RAP1GAP2: variants seen among roughly 807,000 people sequenced by gnomAD.
The protein encoded by RAP1GAP2 is RAP1 GTPase activating protein 2.
Under a neutral mutation model 95.0 loss-of-function variants are expected in RAP1GAP2, and 27 were observed. The ratio of observed to expected loss-of-function variants is 0.28; its 90% confidence interval spans 0.21 to 0.39. The LOEUF is 0.39. RAP1GAP2 is among the 10% of genes least tolerant of loss of function. The pLI is 1.00. For missense variants in RAP1GAP2, 771 were observed against 970.0 expected (o/e 0.79, Z 2.72); for synonymous variants, 373 against 380.9 (o/e 0.98, Z 0.24).
At chr17:2,978,282 G>T (rs1288861857) in intron 8 of RAP1GAP2, among the ~76,000 whole-genome samples, 1 of 152,178 alleles carries the variant, frequency 6.6e-6, no homozygotes, top group Non-Finnish European at 1.5e-5. Context: ...CAAAGTGCCA[G>T]CCTCACTCAT....
At chr17:2,910,888 G>A (rs962442463) in intron 3 of RAP1GAP2, among the ~76,000 whole-genome samples, 7 of 152,112 alleles carry the variant, frequency 4.6e-5, no homozygotes, top group Non-Finnish European at 4.4e-5. Flanking sequence ...TAGTAGAGAT[G>A]GGGTTTCCCC....
At chr17:2,856,257 T>C (rs1240106950) in intron 2 of RAP1GAP2, among the ~76,000 whole-genome samples, 1 of 152,032 alleles carries the variant, frequency 6.6e-6, no homozygotes, top group African/African-American at 2.4e-5. Flanking sequence ...GAGTATAGAA[T>C]GGGTGGTGGT....
chr17:2,973,691 G>A (rs1428215979), intron 8 of RAP1GAP2, among the ~76,000 whole-genome samples: 1 of 152,150 alleles, frequency 6.6e-6, no homozygotes, highest in Non-Finnish European at 1.5e-5. Flanking sequence ...ATATGAAAAA[G>A]AAGATATGTG....
chr17:3,015,164 C>T (rs752087097), intron 17 of RAP1GAP2, among the ~76,000 whole-genome samples: 6 of 152,068 alleles, frequency 3.9e-5, no homozygotes, highest in South Asian at 2.1e-4. Context: ...TTTAACCATG[C>T]GGTAGGAAAA....
chr17:2,991,830 T>A (rs905408643), intron 12 of RAP1GAP2, among the ~76,000 whole-genome samples: 4 of 152,144 alleles, frequency 2.6e-5, no homozygotes, highest in Non-Finnish European at 5.9e-5. Flanking sequence ...AGTGGTGTGA[T>A]CTCAGCTCAC....
chr17:2,820,903 T>TGTTTGTTTTTTG (rs1374388350), intron 2 of RAP1GAP2, among the ~76,000 whole-genome samples: 1 of 145,866 alleles, frequency 6.9e-6, no homozygotes, highest in African/African-American at 2.6e-5. Flanking sequence ...TTTTTTTTTT[T>TGTTTGTTTTTTG]TTTTTTGTAT....
At chr17:2,891,556 T>C (rs542481863) in intron 2 of RAP1GAP2, among the ~76,000 whole-genome samples, 12 of 151,646 alleles carry the variant, frequency 7.9e-5, no homozygotes, top group African/African-American at 2.9e-4. Context: ...TTCCATTCTT[T>C]CCCCCAGGAG....
At chr17:2,981,338 A>C (rs2045349562) in intron 10 of RAP1GAP2, 90 bp downstream of exon 10, 1 of 1,257,726 alleles carries the variant, frequency 8.0e-7, no homozygotes, top group African/African-American at 1.5e-5. Context: ...TCTGCATCAT[A>C]GTGGGGTTTC....
chr17:2,837,120 G>A (rs577457963), intron 2 of RAP1GAP2, among the ~76,000 whole-genome samples: 1 of 152,138 alleles, frequency 6.6e-6, no homozygotes, highest in East Asian at 1.9e-4. Context: ...GCATGGTGGT[G>A]CACACCTGTA....
chr17:2,944,161 C>CA (rs36063732), intron 3 of RAP1GAP2, among the ~76,000 whole-genome samples: 12,771 of 81,376 alleles, frequency 0.16, 724 homozygotes, highest in Middle Eastern at 0.21. Context: ...ACAGCAAAAC[C>CA]AAAAAAAAAA....
intron 2 of RAP1GAP2, among the ~76,000 whole-genome samples, chr17:2,883,908 G>T (rs2081806629): frequency 6.6e-6 from 1 of 152,224 alleles, no homozygotes; most frequent in Non-Finnish European, 1.5e-5. Context: ...GACAGGCAGG[G>T]GCCTAGGACT....
At chr17:3,012,163 G>A (rs1037085300) in intron 17 of RAP1GAP2, among the ~76,000 whole-genome samples, 3 of 152,128 alleles carry the variant, frequency 2.0e-5, no homozygotes, top group Admixed American at 1.3e-4. Flanking sequence ...TAATGGAAGC[G>A]TTTCTCCCAT....
At chr17:2,832,283 G>A (rs562944361) in intron 2 of RAP1GAP2, among the ~76,000 whole-genome samples, 1 of 151,708 alleles carries the variant, frequency 6.6e-6, no homozygotes, top group South Asian at 2.1e-4. Context: ...TCTCGGCCGG[G>A]CGCGGTGGCT....
At chr17:2,762,048 G>A (rs980130815) in intron 1 of RAP1GAP2, among the ~76,000 whole-genome samples, 1 of 142,066 alleles carries the variant, frequency 7.0e-6, no homozygotes, top group Admixed American at 7.5e-5. Context: ...GAGCACAGTG[G>A]TGCAATCTTG....
chr17:2,942,231 A>G (rs1201598516), intron 3 of RAP1GAP2, among the ~76,000 whole-genome samples: 1 of 152,174 alleles, frequency 6.6e-6, no homozygotes, highest in Non-Finnish European at 1.5e-5. Context: ...GCGTATGGAA[A>G]GTGCCCAGTT....
intron 3 of RAP1GAP2, among the ~76,000 whole-genome samples, chr17:2,916,514 C>T (rs1031378093): frequency 1.4e-4 from 21 of 152,186 alleles, no homozygotes; most frequent in African/African-American, 4.6e-4. Context: ...GATGTGGGCT[C>T]AGGTTTGTCT....
intron 2 of RAP1GAP2, among the ~76,000 whole-genome samples, chr17:2,828,111 C>T (rs138965895): frequency 0.011 from 1,741 of 152,320 alleles, 36 homozygotes; most frequent in African/African-American, 0.04. Flanking sequence ...GAGGCCAAGG[C>T]TGGCGGATCA....
chr17:2,991,713 G>A (rs2045759019), intron 12 of RAP1GAP2, among the ~76,000 whole-genome samples: 1 of 152,178 alleles, frequency 6.6e-6, no homozygotes, highest in Non-Finnish European at 1.5e-5. Flanking sequence ...AGGTGTGTGG[G>A]AAAGGGAGCC....
intron 14 of RAP1GAP2, among the ~76,000 whole-genome samples, chr17:2,999,437 C>G (rs1252651972): frequency 6.6e-6 from 1 of 152,172 alleles, no homozygotes; most frequent in Admixed American, 6.6e-5. Flanking sequence ...ATTCTCAAAG[C>G]GCTCCCTGCT....
Sources: gnomAD v4.1 joint callset for allele counts (sites outside exome capture counted in the v4.1 genomes callset) on GRCh38, gnomAD v4.1.1 for gene constraint, MANE v1.5 for transcripts, NCBI Gene and HGNC (gene_info 2026-07-23, HGNC 2026-07-21) for gene names.